RXFP2: variants seen among roughly 807,000 people sequenced by gnomAD.
The protein encoded by RXFP2 is relaxin receptor 2.
Under a neutral mutation model 88.6 loss-of-function variants are expected in RXFP2, and 68 were observed. That is an observed-to-expected ratio of 0.77 (90% CI 0.63 to 0.94). The LOEUF (loss-of-function observed/expected upper bound fraction) is 0.94, where lower values mean the gene tolerates loss of function less well. Ranked by LOEUF, RXFP2 falls within the 40% of genes least tolerant of loss-of-function variation. The probability of loss-of-function intolerance (pLI) is 0.00; values close to 1 mark genes in which losing one functional copy is unlikely to be tolerated. For synonymous variants in RXFP2, 329 were observed against 306.8 expected, an observed-to-expected ratio of 1.07 and a Z score of -0.76; for missense variants, 791 against 893.9, an observed-to-expected ratio of 0.88 and a Z score of 1.47.
intron 2 of RXFP2, among the ~76,000 whole-genome samples, chr13:31,759,277 A>G (rs994106637): frequency 6.6e-6 from 1 of 151,434 alleles, no homozygotes; most frequent in Non-Finnish European, 1.5e-5. Flanking sequence ...ATAAATAAGG[A>G]AATGAAACAG....
At chr13:31,778,047 A>T (rs532658333) in intron 8 of RXFP2, among the ~76,000 whole-genome samples, 126 of 152,318 alleles carry the variant, frequency 8.3e-4, no homozygotes, top group African/African-American at 2.8e-3. Flanking sequence ...AACATGCTCA[A>T]GAGTTGTTTT....
intron 1 of RXFP2, among the ~76,000 whole-genome samples, chr13:31,748,771 G>C (rs1232171086): frequency 1.3e-5 from 2 of 152,142 alleles, no homozygotes; most frequent in Admixed American, 1.3e-4. Flanking sequence ...CAGATCACGA[G>C]GTCAGGAGAT....
intron 1 of RXFP2, among the ~76,000 whole-genome samples, chr13:31,754,480 G>C (rs918992589): frequency 6.6e-6 from 1 of 151,970 alleles, no homozygotes; most frequent in Non-Finnish European, 1.5e-5. Flanking sequence ...TCAGTGAGCC[G>C]AGATTGTGCC....
chr13:31,739,984 A>G (rs1366661855), intron 1 of RXFP2, among the ~76,000 whole-genome samples: 1 of 152,206 alleles, frequency 6.6e-6, no homozygotes, highest in African/African-American at 2.4e-5. Flanking sequence ...CAATTAAAAC[A>G]TAGAAAACAT....
chr13:31,783,006 A>G (rs1488608791), intron 11 of RXFP2, among the ~76,000 whole-genome samples: 2 of 152,208 alleles, frequency 1.3e-5, no homozygotes, highest in Non-Finnish European at 2.9e-5. Flanking sequence ...TGTGTTTGGG[A>G]GTAAATGAGT....
chr13:31,788,419 G>T (rs2138451430), intron 13 of RXFP2, among the ~76,000 whole-genome samples: 1 of 152,270 alleles, frequency 6.6e-6, no homozygotes, highest in South Asian at 2.1e-4. Context: ...TGCTTCCTAA[G>T]AACATGGCAG....
chr13:31,788,557 G>T (rs1215643593), intron 13 of RXFP2, among the ~76,000 whole-genome samples: 2 of 152,080 alleles, frequency 1.3e-5, no homozygotes, highest in Non-Finnish European at 2.9e-5. Flanking sequence ...GGGCCTGAAG[G>T]ATTTAAAGGA....
chr13:31,745,818 A>G (rs1008420807), intron 1 of RXFP2, among the ~76,000 whole-genome samples: 2 of 152,254 alleles, frequency 1.3e-5, no homozygotes, highest in Non-Finnish European at 2.9e-5. Flanking sequence ...TTCAGCAAAG[A>G]AGGTAGACTT....
At chr13:31,774,519 T>G in intron 5 of RXFP2, 101 bp from the exon 6 acceptor site, 1 of 764,216 alleles carries the variant, frequency 1.3e-6, no homozygotes, top group South Asian at 1.4e-5. Flanking sequence ...GTACTTCAAT[T>G]TCACAATTGT....
intron 1 of RXFP2, among the ~76,000 whole-genome samples, chr13:31,745,496 C>G (rs992512110): frequency 1.3e-5 from 2 of 152,190 alleles, no homozygotes; most frequent in African/African-American, 4.8e-5. Context: ...TTGTCAGGGG[C>G]TGAGTCCCAA....
chr13:31,768,303 C>T (rs79705330), intron 5 of RXFP2, among the ~76,000 whole-genome samples: 3,789 of 152,274 alleles, frequency 0.025, 60 homozygotes, highest in Non-Finnish European at 0.04. Flanking sequence ...TTATGAGACT[C>T]TCATCAATAA....
intron 13 of RXFP2, among the ~76,000 whole-genome samples, chr13:31,788,002 C>A (rs1413195167): frequency 6.6e-6 from 1 of 152,130 alleles, no homozygotes; most frequent in African/African-American, 2.4e-5. Flanking sequence ...TCTTAGCCAC[C>A]AACTTACACA....
intron 1 of RXFP2, among the ~76,000 whole-genome samples, chr13:31,753,371 C>T (rs145799788): frequency 2.6e-5 from 4 of 152,170 alleles, no homozygotes; most frequent in East Asian, 1.9e-4. Flanking sequence ...GGCACAGACA[C>T]GTCCAGAATA....
intron 17 of RXFP2, among the ~76,000 whole-genome samples, chr13:31,800,741 T>C (rs1269913657): frequency 6.6e-6 from 1 of 152,138 alleles, no homozygotes; most frequent in Non-Finnish European, 1.5e-5. Context: ...TTCTGTGAGA[T>C]TGGGGTGGGA....
At chr13:31,762,042 A>G (rs1241838004) in intron 3 of RXFP2, among the ~76,000 whole-genome samples, 2 of 152,232 alleles carry the variant, frequency 1.3e-5, no homozygotes, top group African/African-American at 2.4e-5. Flanking sequence ...TAAGTATTGA[A>G]TAATTGTGAC....
chr13:31,772,253 G>A (rs1056241128), intron 5 of RXFP2, among the ~76,000 whole-genome samples: 2 of 152,102 alleles, frequency 1.3e-5, no homozygotes, highest in African/African-American at 4.8e-5. Context: ...CTTAATCTGG[G>A]TTCTTGTTAA....
At chr13:31,744,778 C>T (rs1379809540) in intron 1 of RXFP2, among the ~76,000 whole-genome samples, 1 of 151,238 alleles carries the variant, frequency 6.6e-6, no homozygotes, top group Admixed American at 6.6e-5. Context: ...TTAAAGCTGT[C>T]TGTTTGGGGT....
chr13:31,782,692 C>A lies in RXFP2; in HGVS notation c.874C>A (p.Gln292Lys). The A allele has an allele frequency of 1.9e-6, 3 of 1,611,816 alleles. No individual in the cohort carries two copies. The South Asian group carries it at 3.3e-5, about 18-fold the overall frequency. Residue 292 changes from glutamine (Q) to lysine (K), a missense_variant, in exon 11 of 18, where the codon CAA becomes AAA. Transcript: ENST00000298386. ...SLTVLFLPRN[Q>K]IGFVPEKTFS... ...GTCTTACAGGTTTCTGCCTAGAAAT[C>A]AAATTGGTTTTGTTCCAGAGAAGAC...
chr13:31,786,588 A>G lies in RXFP2; in HGVS notation c.1024A>G (p.Met342Val), dbSNP rs536147829. The G allele has an allele frequency of 1.0e-4, 163 of 1,601,698 alleles. No individual in the cohort carries two copies. In the South Asian group the frequency reaches 1.6e-3, roughly 16 times the overall value. ...AAGGAACCTGTCATCCAATCCTCTTATGTATCTTCACAAGAACCAGTTTGA... is the reference window on the plus strand; with the variant it reads ...AAGGAACCTGTCATCCAATCCTCTTGTGTATCTTCACAAGAACCAGTTTGA... ...QKLNLSSNPL[M>V]YLHKNQFESL... is the part of the protein sequence containing the mutation. Residue 342 changes from methionine (M) to valine (V), a missense_variant, in exon 13 of 18, where the codon ATG becomes GTG. Coordinates refer to ENST00000298386, the MANE Select transcript of RXFP2 (RefSeq NM_130806.5).
Sources: allele counts gnomAD v4.1 joint callset (sites outside exome capture counted in the v4.1 genomes callset), GRCh38; gene constraint gnomAD v4.1.1; transcripts MANE v1.5; gene names NCBI Gene and HGNC (gene_info 2026-07-23, HGNC 2026-07-21).